The following CSMD3 variants were observed in gnomAD, a reference collection of about 807,000 sequenced individuals.
CSMD3 encodes CUB and sushi domain-containing protein 3.
CSMD3 carries 177 observed loss-of-function variants against 435.2 expected under a neutral mutation model. The ratio of observed to expected loss-of-function variants is 0.41; its 90% CI spans 0.36 to 0.46. The LOEUF (loss-of-function observed/expected upper bound fraction) is 0.46, where lower values mean the gene tolerates loss of function less well. CSMD3 is among the 20% of genes least tolerant of loss of function. The pLI is 0.34. For synonymous variants in CSMD3, 1,656 were observed against 1,520.5 expected, an observed-to-expected ratio of 1.09 and a Z score of -2.07; for missense variants, 4,265 against 4,504.6, an observed-to-expected ratio of 0.95 and a Z score of 1.52.
chr8:113,289,345 T>C (rs2093668417), intron 2 of CSMD3, among the ~76,000 whole-genome samples: 1 of 151,844 alleles, frequency 6.6e-6, no homozygotes, highest in Admixed American at 6.6e-5. Flanking sequence ...AAATGTAGTA[T>C]TTCTTCAAGT....
chr8:113,397,136 G>T (rs1289541056), intron 1 of CSMD3, among the ~76,000 whole-genome samples: 1 of 152,038 alleles, frequency 6.6e-6, no homozygotes, highest in Non-Finnish European at 1.5e-5. Context: ...TTGTCAATTT[G>T]GTATGATAAC....
intron 11 of CSMD3, among the ~76,000 whole-genome samples, chr8:112,834,400 TA>T (rs2132501585): frequency 6.6e-6 from 1 of 151,862 alleles, no homozygotes; most frequent in South Asian, 2.1e-4. Flanking sequence ...ACTTGTGCAT[TA>T]AAAAAATAAA....
chr8:112,333,877 G>A (rs979441548), intron 45 of CSMD3, among the ~76,000 whole-genome samples: 10 of 152,058 alleles, frequency 6.6e-5, no homozygotes, highest in African/African-American at 9.7e-5. Context: ...AATCCATGTG[G>A]AGATAAAATG....
In CSMD3 at chr8:112,469,195, C is replaced by A. The variant is rs541273915; in HGVS notation, c.5395+3396G>T. Among the ~76,000 whole-genome samples the A allele has an allele frequency of 8.7e-5, 13 of 148,978 alleles. 1 individual carries two copies. Among genetic ancestry groups the A allele is most frequent in the African/African-American group, 3.0e-4 (12 of 40,280 alleles). ...AAAAAAAAAAAAAGTAATTTGGTAC[C>A]ACATGACCTGTAAGAAACACAAGTA... On this transcript the variant is annotated intron_variant, in intron 32 of 70. Transcript: ENST00000297405.
At chr8:112,952,473 T>A (rs1053683250) in intron 8 of CSMD3, among the ~76,000 whole-genome samples, 2 of 151,636 alleles carry the variant, frequency 1.3e-5, no homozygotes, top group African/African-American at 4.8e-5. Flanking sequence ...TAAATAATAT[T>A]AAAGAGATCA....
At chr8:113,152,810 C>A (rs1180791842) in intron 4 of CSMD3, among the ~76,000 whole-genome samples, 1 of 151,612 alleles carries the variant, frequency 6.6e-6, no homozygotes, top group Non-Finnish European at 1.5e-5. Context: ...GAAACCCCAT[C>A]CCTACTAAAA....
Position 112,287,146 on chromosome 8 carries a change from A to T in CSMD3, c.9249T>A (p.Asp3083Glu). The T allele has an allele frequency of 6.2e-7, 1 of 1,613,792 alleles. No individual in the cohort carries two copies. Among genetic ancestry groups the T allele is most frequent in the Non-Finnish European group, 8.5e-7 (1 of 1,179,826 alleles). Residue 3083 changes from aspartate to glutamate, a missense_variant, in exon 58 of 71, where the codon GAT becomes GAA. Asp to Glu is a conservative substitution (Grantham distance 45, BLOSUM62 2). This residue lies in a region of CSMD3 where 3,255 missense variants were observed against 3,380.2 expected (regional missense o/e 0.96). Coordinates refer to ENST00000297405, the MANE Select transcript of CSMD3 (RefSeq NM_198123.2). Reference sequence around the variant, plus strand: ...CTGAGCCATGAAGGATGTAACCAGTATCACAAGCATAACGTACAGTACTTT... The same window carrying T: ...CTGAGCCATGAAGGATGTAACCAGTTTCACAAGCATAACGTACAGTACTTT... ...RTKSTVRYAC[D>E]TGYILHGSEE...
At chr8:112,999,793 A>ATC (rs2085796131) in intron 6 of CSMD3, among the ~76,000 whole-genome samples, 1 of 151,838 alleles carries the variant, frequency 6.6e-6, no homozygotes, top group Non-Finnish European at 1.5e-5. Context: ...GGAGTCAAGG[A>ATC]TGATTTTAAA....
intron 13 of CSMD3, among the ~76,000 whole-genome samples, chr8:112,759,941 T>G (rs1356916178): frequency 6.6e-6 from 1 of 152,148 alleles, no homozygotes; most frequent in Non-Finnish European, 1.5e-5. Context: ...AACAACACTA[T>G]GAGATACTGT....
intron 12 of CSMD3, among the ~76,000 whole-genome samples, chr8:112,826,922 A>T (rs2079697804): frequency 6.6e-6 from 1 of 151,680 alleles, no homozygotes; most frequent in Admixed American, 6.6e-5. Flanking sequence ...TTATACAATG[A>T]TTTTCTGTCC....
At chr8:112,657,047 T>G (rs1483563494) in intron 17 of CSMD3, among the ~76,000 whole-genome samples, 2 of 150,230 alleles carry the variant, frequency 1.3e-5, no homozygotes, top group Non-Finnish European at 2.9e-5. Flanking sequence ...CTTAAAAACT[T>G]TTTTTTCTTT....
chr8:112,807,320 TTAA>T (rs1453084085), intron 12 of CSMD3, among the ~76,000 whole-genome samples: 2 of 152,182 alleles, frequency 1.3e-5, no homozygotes, highest in Admixed American at 6.5e-5. Flanking sequence ...CAATGACAAT[TTAA>T]TAATATTTAC....
At chr8:113,035,522 G>A (rs895953854) in intron 5 of CSMD3, among the ~76,000 whole-genome samples, 5 of 151,970 alleles carry the variant, frequency 3.3e-5, no homozygotes, top group African/African-American at 1.2e-4. Context: ...AAAGGGCCAT[G>A]AAGCAACTTT....
chr8:112,587,006 A>G (rs1190338169), intron 23 of CSMD3, 60 bp downstream of exon 23: 2 of 1,133,084 alleles, frequency 1.8e-6, no homozygotes, highest in Non-Finnish European at 2.7e-6. Flanking sequence ...ATATTTATCT[A>G]TTGATGTATA....
intron 58 of CSMD3, among the ~76,000 whole-genome samples, chr8:112,282,937 A>G (rs1441030466): frequency 1.3e-5 from 2 of 152,100 alleles, no homozygotes; most frequent in South Asian, 2.1e-4. Flanking sequence ...CCCAGCAGTC[A>G]ACAGACATAA....
intron 7 of CSMD3, among the ~76,000 whole-genome samples, chr8:112,967,484 T>A (rs890940785): frequency 6.6e-6 from 1 of 151,882 alleles, no homozygotes; most frequent in Non-Finnish European, 1.5e-5. Context: ...AAGCTTTTTT[T>A]AACTAGCTGT....
chr8:113,292,198 T>C lies in CSMD3; in HGVS notation c.402-13494A>G, dbSNP rs528825471. The stretch of plus-strand genomic sequence containing the variant: ...GGAATAGAAGAATGATAGAAATAGT[T>C]TATTCTTACATGGTGTGTAGTTAGA... On this transcript the variant is annotated intron_variant, in intron 2 of 70. Coordinates refer to ENST00000297405, the MANE Select transcript of CSMD3 (RefSeq NM_198123.2). Among the ~76,000 whole-genome samples the C allele has an allele frequency of 3.0e-3, 460 of 151,728 alleles. 2 individuals are homozygous for C. Among genetic ancestry groups the C allele is most frequent in the African/African-American group, 9.3e-3 (388 of 41,516 alleles).
chr8:112,837,901 A>T (rs555225664), intron 11 of CSMD3, among the ~76,000 whole-genome samples: 23 of 151,838 alleles, frequency 1.5e-4, no homozygotes, highest in Admixed American at 6.6e-4. Context: ...ACTTTAATTA[A>T]TCTCAAGGTA....
chr8:112,413,446 CCTG>C (rs1201988219), intron 32 of CSMD3, among the ~76,000 whole-genome samples: 11 of 152,150 alleles, frequency 7.2e-5, no homozygotes, highest in African/African-American at 2.7e-4. Context: ...TCATTTAATA[CCTG>C]AGACTTCATC....
Sources: gnomAD v4.1 joint callset for allele counts (sites outside exome capture counted in the v4.1 genomes callset) on GRCh38, gnomAD v4.1.1 for gene constraint, gnomAD v4.1.1 regional missense constraint, MANE v1.5 for transcripts, NCBI Gene and HGNC (gene_info 2026-07-23, HGNC 2026-07-21) for gene names.